Variants in ARHGAP42 observed in about 807,000 individuals in gnomAD.
ARHGAP42 encodes the protein rho GTPase-activating protein 42.
Under a neutral mutation model 125.0 loss-of-function variants are expected in ARHGAP42, and 63 were observed. That is an observed-to-expected ratio of 0.50 (90% CI 0.41 to 0.62). The LOEUF is 0.62. ARHGAP42 is among the 20% of genes least tolerant of loss of function. ARHGAP42 has a pLI of 0.00. For synonymous variants in ARHGAP42, 339 were observed against 351.0 expected, an observed-to-expected ratio of 0.97 and a Z score of 0.38; for missense variants, 766 against 1,024.2, an observed-to-expected ratio of 0.75 and a Z score of 3.44.
At chr11:100,718,751 T>A (rs1330219486) in intron 1 of ARHGAP42, among the ~76,000 whole-genome samples, 1 of 152,196 alleles carries the variant, frequency 6.6e-6, no homozygotes, top group Non-Finnish European at 1.5e-5. Context: ...ACATAGTAAT[T>A]TCTCCCTTCA....
chr11:100,792,249 G>C (rs1565215870), intron 2 of ARHGAP42, among the ~76,000 whole-genome samples: 1 of 152,120 alleles, frequency 6.6e-6, no homozygotes, highest in Non-Finnish European at 1.5e-5. Context: ...AGCCCTTTGG[G>C]AAATTTAATA....
intron 4 of ARHGAP42, among the ~76,000 whole-genome samples, chr11:100,912,658 A>G (rs1267313940): frequency 6.6e-6 from 1 of 152,172 alleles, no homozygotes; most frequent in Non-Finnish European, 1.5e-5. Flanking sequence ...ATGCCCAGGA[A>G]TGTCCTCTTC....
intron 17 of ARHGAP42, among the ~76,000 whole-genome samples, chr11:100,971,339 C>T (rs1858240236): frequency 6.6e-6 from 1 of 151,928 alleles, no homozygotes; most frequent in African/African-American, 2.4e-5. Context: ...ATGTTGGTTT[C>T]TTTATTTGTA....
At chr11:100,779,182 C>T (rs1258937374) in intron 2 of ARHGAP42, among the ~76,000 whole-genome samples, 1 of 151,856 alleles carries the variant, frequency 6.6e-6, no homozygotes, top group Admixed American at 6.6e-5. Context: ...TGCAGTGGCT[C>T]ACGCCTGTAA....
intron 8 of ARHGAP42, among the ~76,000 whole-genome samples, chr11:100,938,692 C>G (rs1867800349): frequency 6.6e-6 from 1 of 152,118 alleles, no homozygotes; most frequent in Admixed American, 6.6e-5. Flanking sequence ...TCATCTTCTC[C>G]TATTCCCTTT....
chr11:100,730,128 A>C (rs1378046363), intron 1 of ARHGAP42, among the ~76,000 whole-genome samples: 1 of 152,056 alleles, frequency 6.6e-6, no homozygotes, highest in Non-Finnish European at 1.5e-5. Context: ...AAATAAGACT[A>C]ATTTGACGAA....
chr11:100,927,073 A>G (rs1045014719), intron 6 of ARHGAP42, among the ~76,000 whole-genome samples: 5 of 152,172 alleles, frequency 3.3e-5, no homozygotes, highest in African/African-American at 1.2e-4. Flanking sequence ...ATTCAATTTA[A>G]ATTTTTTCGC....
intron 1 of ARHGAP42, among the ~76,000 whole-genome samples, chr11:100,768,088 C>T (rs762355372): frequency 7.9e-5 from 12 of 152,062 alleles, no homozygotes; most frequent in Non-Finnish European, 1.6e-4. Flanking sequence ...ACAGTAAGTC[C>T]TGGCGTTATG....
intron 11 of ARHGAP42, among the ~76,000 whole-genome samples, chr11:100,949,587 G>C (rs1261188209): frequency 6.6e-6 from 1 of 152,132 alleles, no homozygotes; most frequent in African/African-American, 2.4e-5. Context: ...GGAAGAAGGA[G>C]CAATTCCGGA....
At chr11:100,735,269 A>G (rs1591137055) in intron 1 of ARHGAP42, among the ~76,000 whole-genome samples, 2 of 152,206 alleles carry the variant, frequency 1.3e-5, no homozygotes, top group Non-Finnish European at 2.9e-5. Context: ...AGCCAATGCC[A>G]TCAGATAAAT....
intron 5 of ARHGAP42, among the ~76,000 whole-genome samples, chr11:100,913,900 G>T (rs551240772): frequency 1.1e-4 from 17 of 152,236 alleles, no homozygotes; most frequent in African/African-American, 3.8e-4. Context: ...CTTCAGCGTT[G>T]TGGGAAAGAT....
Position 100,912,798 on chromosome 11 carries a change from C to T in ARHGAP42, c.385-654C>T, listed in dbSNP as rs76826942. 4.9e-3 allele frequency among the ~76,000 whole-genome samples: 742 copies of T among 152,226 alleles called. 2 individuals carry two copies. Among genetic ancestry groups the T allele is most frequent in the East Asian group, 0.022 (114 of 5,182 alleles). ...ACTCCAACATATCAGGAACAAAGGT[C>T]GGCTATTAAGAGTTATGTTCAGAGT... On this transcript the variant is annotated intron_variant, in intron 4 of 23. Coordinates refer to ENST00000298815, the MANE Select transcript of ARHGAP42 (RefSeq NM_152432.4).
intron 3 of ARHGAP42, among the ~76,000 whole-genome samples, chr11:100,849,482 A>T (rs1486722225): frequency 1.3e-5 from 2 of 152,220 alleles, no homozygotes; most frequent in Non-Finnish European, 2.9e-5. Flanking sequence ...AAAATAAATC[A>T]TATCTCTTGT....
intron 3 of ARHGAP42, among the ~76,000 whole-genome samples, chr11:100,826,816 T>TC (rs1864525030): frequency 6.6e-6 from 1 of 151,966 alleles, no homozygotes; most frequent in Non-Finnish European, 1.5e-5. Context: ...CTGGGAAAAA[T>TC]ATTTTGCCGT....
At chr11:100,927,283 T>C (rs1591300810) in intron 6 of ARHGAP42, among the ~76,000 whole-genome samples, 1 of 152,174 alleles carries the variant, frequency 6.6e-6, no homozygotes, top group Admixed American at 6.5e-5. Flanking sequence ...TTTTGATGTG[T>C]TTTTCTTTTT....
At chr11:100,710,996 T>G (rs1861557096) in intron 1 of ARHGAP42, among the ~76,000 whole-genome samples, 2 of 152,258 alleles carry the variant, frequency 1.3e-5, no homozygotes, top group South Asian at 4.1e-4. Context: ...TTCAAAGCTA[T>G]GGTCTCTGTC....
At chr11:100,808,671 C>T (rs1258237981) in intron 3 of ARHGAP42, among the ~76,000 whole-genome samples, 8 of 152,020 alleles carry the variant, frequency 5.3e-5, no homozygotes, top group Admixed American at 5.2e-4. Context: ...TCCCAAAGTG[C>T]TGGGATTACA....
chr11:100,705,013 C>CAAAAAAAAAAAAAAAAAAA (rs1211966921), intron 1 of ARHGAP42, among the ~76,000 whole-genome samples: 1 of 54,778 alleles, frequency 1.8e-5, no homozygotes. Flanking sequence ...ACAACAACAA[C>CAAAAAAAAAAAAAAAAAAA]AAAAAAAAAA....
At chr11:100,777,326 T>C (rs991833843) in intron 2 of ARHGAP42, among the ~76,000 whole-genome samples, 2 of 152,178 alleles carry the variant, frequency 1.3e-5, no homozygotes, top group Admixed American at 1.3e-4. Context: ...TGGGTTACTG[T>C]GGTGAGGTGA....
Sources: gnomAD v4.1 joint callset for allele counts (sites outside exome capture counted in the v4.1 genomes callset) on GRCh38, gnomAD v4.1.1 for gene constraint, MANE v1.5 for transcripts, NCBI Gene and HGNC (gene_info 2026-07-23, HGNC 2026-07-21) for gene names.